TAFA1: variants seen among roughly 807,000 people sequenced by gnomAD.
TAFA1 encodes chemokine-like protein TAFA-1.
In TAFA1, 4 loss-of-function variants were observed where a neutral mutation model predicts 18.5. The observed-to-expected ratio is 0.22, with a 90% confidence interval of 0.11 to 0.49. The LOEUF is 0.49. Among genes scored for constraint, TAFA1 ranks in the 20% least tolerant of loss-of-function variants. The pLI is 0.98. For missense variants in TAFA1, 147 were observed against 169.0 expected, an observed-to-expected ratio of 0.87 and a Z score of 0.72; for synonymous variants, 56 against 55.2, an observed-to-expected ratio of 1.01 and a Z score of -0.06.
Position 68,331,971 on chromosome 3 carries a change from C to T in TAFA1, c.119-85309C>T, listed in dbSNP as rs558367080. 3.7e-3 allele frequency among the ~76,000 whole-genome samples: 536 copies of T among 144,746 alleles called. 4 individuals carry two copies. Among genetic ancestry groups the T allele is most frequent in the African/African-American group, 0.013 (500 of 39,348 alleles). The allele number at this position is 144,746 out of a possible 152,430, so 95.0% of individuals were successfully genotyped here. On this transcript the variant is annotated intron_variant, in intron 2 of 4. Coordinates refer to ENST00000478136, the MANE Select transcript of TAFA1 (RefSeq NM_213609.4). Reference sequence around the variant, plus strand: ...CTCTGCCTCCCGGGTTCACGCCATTCTCCTGCCTCAGCCTCCCGAGTAGCT... The same window carrying T: ...CTCTGCCTCCCGGGTTCACGCCATTTTCCTGCCTCAGCCTCCCGAGTAGCT...
chr3:68,299,595 A>G (rs2068269341), intron 2 of TAFA1, among the ~76,000 whole-genome samples: 1 of 152,238 alleles, frequency 6.6e-6, no homozygotes, highest in Non-Finnish European at 1.5e-5. Context: ...AGTAACCAGG[A>G]GCCAAATGTT....
intron 2 of TAFA1, among the ~76,000 whole-genome samples, chr3:68,295,060 C>T (rs2068183719): frequency 6.6e-6 from 1 of 152,048 alleles, no homozygotes; most frequent in Non-Finnish European, 1.5e-5. Flanking sequence ...GCACAATTCA[C>T]TATGTTCTCT....
At chr3:68,250,133 G>A (rs1198866249) in intron 2 of TAFA1, among the ~76,000 whole-genome samples, 2 of 152,046 alleles carry the variant, frequency 1.3e-5, no homozygotes, top group East Asian at 1.9e-4. Flanking sequence ...CTTTGTCCCC[G>A]CCTCATCATC....
At chr3:68,200,317 G>A (rs1243502187) in intron 2 of TAFA1, among the ~76,000 whole-genome samples, 4 of 151,532 alleles carry the variant, frequency 2.6e-5, no homozygotes. Context: ...GTCTTTGTCT[G>A]GTTTTGTATT....
At chr3:68,475,172 A>T (rs2072067938) in intron 3 of TAFA1, among the ~76,000 whole-genome samples, 2 of 151,634 alleles carry the variant, frequency 1.3e-5, no homozygotes, top group African/African-American at 4.9e-5. Flanking sequence ...AATTATTATT[A>T]TTATACTTTA....
intron 2 of TAFA1, among the ~76,000 whole-genome samples, chr3:68,223,800 G>A (rs1173316794): frequency 6.6e-6 from 1 of 152,118 alleles, no homozygotes; most frequent in Non-Finnish European, 1.5e-5. Flanking sequence ...CACACCTGAA[G>A]TTATTAGCAA....
intron 2 of TAFA1, among the ~76,000 whole-genome samples, chr3:68,380,596 G>A (rs12107391): frequency 0.03 from 4,606 of 152,050 alleles, 93 homozygotes; most frequent in East Asian, 0.092. Flanking sequence ...CATATCCTTC[G>A]CCCACTTTTT....
At chr3:68,358,621 T>C (rs2069410482) in intron 2 of TAFA1, among the ~76,000 whole-genome samples, 1 of 151,934 alleles carries the variant, frequency 6.6e-6, no homozygotes, top group Non-Finnish European at 1.5e-5. Context: ...CTTTCCCCCA[T>C]ACCGCAAATC....
intron 3 of TAFA1, among the ~76,000 whole-genome samples, chr3:68,456,794 T>C (rs1375060681): frequency 6.6e-6 from 1 of 152,220 alleles, no homozygotes; most frequent in Non-Finnish European, 1.5e-5. Flanking sequence ...TTTTTTCTTT[T>C]TTTACAATGG....
chr3:68,034,419 A>G (rs951866261), intron 2 of TAFA1, among the ~76,000 whole-genome samples: 23 of 152,222 alleles, frequency 1.5e-4, no homozygotes, highest in Non-Finnish European at 3.4e-4. Context: ...ACTTAAGAGG[A>G]ACCTGCAGCA....
At chr3:68,037,040 A>G (rs1365580187) in intron 2 of TAFA1, among the ~76,000 whole-genome samples, 2 of 152,176 alleles carry the variant, frequency 1.3e-5, no homozygotes, top group African/African-American at 4.8e-5. Context: ...TGTCACGATA[A>G]TTGCAGCCAT....
intron 2 of TAFA1, among the ~76,000 whole-genome samples, chr3:68,154,737 T>C (rs752010124): frequency 3.3e-5 from 5 of 152,092 alleles, no homozygotes; most frequent in Non-Finnish European, 7.4e-5. Flanking sequence ...GGTAGTTCTC[T>C]CCCTCAGCTT....
chr3:68,446,693 C>A (rs960194466), intron 3 of TAFA1, among the ~76,000 whole-genome samples: 11 of 152,152 alleles, frequency 7.2e-5, no homozygotes, highest in African/African-American at 2.7e-4. Context: ...TACAGGTTAA[C>A]TTTCCCTTTT....
At chr3:68,271,764 C>T (rs571759782) in intron 2 of TAFA1, among the ~76,000 whole-genome samples, 2 of 151,806 alleles carry the variant, frequency 1.3e-5, no homozygotes, top group African/African-American at 4.8e-5. Flanking sequence ...ATTTCATCTC[C>T]CCCCTTCCAT....
intron 2 of TAFA1, among the ~76,000 whole-genome samples, chr3:68,241,486 C>G (rs2066999017): frequency 6.6e-6 from 1 of 152,078 alleles, no homozygotes; most frequent in Non-Finnish European, 1.5e-5. Flanking sequence ...TTTCAGCTTA[C>G]AAATGAATCA....
At chr3:68,523,007 C>T (rs1156887437) in intron 3 of TAFA1, among the ~76,000 whole-genome samples, 4 of 152,094 alleles carry the variant, frequency 2.6e-5, no homozygotes, top group African/African-American at 9.7e-5. Context: ...ACCCGGGAGG[C>T]GGAGGTTGCA....
At chr3:68,116,785 G>A (rs1241369312) in intron 2 of TAFA1, among the ~76,000 whole-genome samples, 1 of 152,172 alleles carries the variant, frequency 6.6e-6, no homozygotes, top group African/African-American at 2.4e-5. Context: ...ACAAAGGTTG[G>A]CAACTATGAC....
intron 2 of TAFA1, among the ~76,000 whole-genome samples, chr3:68,015,953 G>A (rs769514851): frequency 6.6e-6 from 1 of 152,158 alleles, no homozygotes; most frequent in East Asian, 1.9e-4. Flanking sequence ...CAAAGTTTCT[G>A]TATGCAAAGA....
In TAFA1 at chr3:68,521,856, G is replaced by GTT. The variant is rs57372768; in HGVS notation, c.260-16881_260-16880dup. On this transcript the variant is annotated intron_variant, in intron 3 of 4. Coordinates refer to ENST00000478136, the MANE Select transcript of TAFA1 (RefSeq NM_213609.4). ...TCTGGGTTTTTCTGTGTTTTTTTCT[G>GTT]TTTTTTTTTTTTTTTTTTTTGGAGA... Among the ~76,000 whole-genome samples, 30 of 70,856 alleles carry GTT rather than the reference G, an allele frequency of 4.2e-4. 4 individuals carry two copies. Among genetic ancestry groups the GTT allele is most frequent in the African/African-American group, 1.5e-3 (26 of 17,584 alleles). The allele number at this position is 70,856 out of a possible 152,430, so 46.5% of individuals were successfully genotyped here.
Sources: gnomAD v4.1 joint callset for allele counts (sites outside exome capture counted in the v4.1 genomes callset) on GRCh38, gnomAD v4.1.1 for gene constraint, MANE v1.5 for transcripts, NCBI Gene and HGNC (gene_info 2026-07-23, HGNC 2026-07-21) for gene names.